Variants in EDIL3 observed in about 807,000 individuals in gnomAD.
EDIL3 encodes the protein EGF like and discoidin domains 3, also known as EGF-like repeat and discoidin I-like domain-containing protein 3.
Under a neutral mutation model 67.4 loss-of-function variants are expected in EDIL3, and 37 were observed. The ratio of observed to expected loss-of-function variants is 0.55; its 90% CI spans 0.42 to 0.72. The LOEUF (loss-of-function observed/expected upper bound fraction) is 0.72, where lower values mean the gene tolerates loss of function less well. Among genes scored for constraint, EDIL3 ranks in the 30% least tolerant of loss-of-function variants. The pLI, the probability that EDIL3 is intolerant of heterozygous loss-of-function variation, is 0.00. For missense variants in EDIL3, 527 were observed against 586.3 expected, an observed-to-expected ratio of 0.90 and a Z score of 1.04; for synonymous variants, 195 against 196.3, an observed-to-expected ratio of 0.99 and a Z score of 0.05.
intron 1 of EDIL3, among the ~76,000 whole-genome samples, chr5:84,299,527 CT>C (rs1255610901): frequency 2.0e-5 from 3 of 152,136 alleles, no homozygotes; most frequent in Non-Finnish European, 2.9e-5. Flanking sequence ...TTTTTTCCCC[CT>C]ATAATGGAAA....
chr5:84,133,338 A>G (rs1459563310), intron 5 of EDIL3, among the ~76,000 whole-genome samples: 1 of 151,612 alleles, frequency 6.6e-6, no homozygotes, highest in Admixed American at 6.6e-5. Context: ...AAAAGGAATG[A>G]GGGTCTGCGC....
intron 5 of EDIL3, among the ~76,000 whole-genome samples, chr5:84,127,596 T>C (rs1747890159): frequency 6.6e-6 from 1 of 152,116 alleles, no homozygotes; most frequent in Non-Finnish European, 1.5e-5. Context: ...GGGCCATTAA[T>C]GGTTTTAGCT....
At chr5:84,262,930 C>G (rs1745264421) in intron 1 of EDIL3, among the ~76,000 whole-genome samples, 1 of 151,860 alleles carries the variant, frequency 6.6e-6, no homozygotes, top group Non-Finnish European at 1.5e-5. Flanking sequence ...CTCAGCCTCC[C>G]AAAGTGCTAG....
intron 3 of EDIL3, among the ~76,000 whole-genome samples, chr5:84,222,098 A>G (rs1304350835): frequency 6.6e-6 from 1 of 151,962 alleles, no homozygotes; most frequent in Admixed American, 6.6e-5. Context: ...TATCTGTAGC[A>G]TGGGTAAGAA....
At chr5:84,056,932 T>C (rs1746459675) in intron 9 of EDIL3, among the ~76,000 whole-genome samples, 1 of 152,098 alleles carries the variant, frequency 6.6e-6, no homozygotes. Context: ...AAAATGTTAA[T>C]CTTATTTTCA....
intron 9 of EDIL3, among the ~76,000 whole-genome samples, chr5:84,007,255 A>G (rs1217129356): frequency 6.6e-6 from 1 of 152,188 alleles, no homozygotes; most frequent in Non-Finnish European, 1.5e-5. Flanking sequence ...CATGTAACCA[A>G]AGCAAAAGTG....
chr5:84,164,598 G>A (rs575099671), intron 4 of EDIL3, among the ~76,000 whole-genome samples: 2 of 152,042 alleles, frequency 1.3e-5, no homozygotes, highest in Non-Finnish European at 2.9e-5. Context: ...TCACCGTGGT[G>A]TTCTCTAGCG....
intron 4 of EDIL3, among the ~76,000 whole-genome samples, chr5:84,179,820 C>A (rs911819308): frequency 3.3e-5 from 5 of 152,114 alleles, no homozygotes; most frequent in African/African-American, 1.2e-4. Context: ...GTTCACCCCT[C>A]CTTCTAAGAA....
chr5:84,317,354 A>G (rs1746535432), intron 1 of EDIL3, among the ~76,000 whole-genome samples: 1 of 152,204 alleles, frequency 6.6e-6, no homozygotes, highest in Admixed American at 6.5e-5. Context: ...CAAAATAGAT[A>G]GACTGCTAGC....
At chr5:84,107,530 A>T (rs1747485905) in intron 5 of EDIL3, among the ~76,000 whole-genome samples, 1 of 151,590 alleles carries the variant, frequency 6.6e-6, no homozygotes, top group South Asian at 2.1e-4. Flanking sequence ...TAAAATACTT[A>T]TTAGCACTTT....
intron 9 of EDIL3, among the ~76,000 whole-genome samples, chr5:83,970,262 A>T (rs954950010): frequency 1.2e-5 from 1 of 86,084 alleles, no homozygotes; most frequent in African/African-American, 3.3e-5. Context: ...CTAATTATAT[A>T]TATATATATA....
chr5:84,270,484 T>G (rs1432745973), intron 1 of EDIL3, among the ~76,000 whole-genome samples: 1 of 51,440 alleles, frequency 1.9e-5, no homozygotes, highest in Admixed American at 2.0e-4. Context: ...TACCTTACCA[T>G]GGGGTTTGTC....
intron 1 of EDIL3, among the ~76,000 whole-genome samples, chr5:84,332,543 A>G (rs1580083154): frequency 6.6e-6 from 1 of 152,198 alleles, no homozygotes; most frequent in South Asian, 2.1e-4. Context: ...AACTTAAAAG[A>G]ATCTCCCTTC....
rs139451083 is a variant in EDIL3 at position 84,215,140 on chromosome 5, T to G, written c.226+14715A>C. Among the ~76,000 whole-genome samples the G allele has an allele frequency of 7.3e-3, 1,106 of 152,334 alleles. 9 individuals are homozygous for G. Among genetic ancestry groups the G allele is most frequent in the Non-Finnish European group, 0.013 (872 of 68,034 alleles). On this transcript the variant is annotated intron_variant, in intron 3 of 10. Coordinates refer to ENST00000296591, the MANE Select transcript of EDIL3 (RefSeq NM_005711.5). The stretch of plus-strand genomic sequence containing the variant: ...GAAGCATCTACTATGTATCAAACAC[T>G]TGTTCTAGAAGGAGGGGATTCAGTC...
intron 1 of EDIL3, among the ~76,000 whole-genome samples, chr5:84,347,518 A>G (rs1747260340): frequency 6.6e-6 from 1 of 152,194 alleles, no homozygotes; most frequent in South Asian, 2.1e-4. Context: ...ATACGTAACT[A>G]TATTTTGGCT....
chr5:84,210,889 A>G (rs1413527311), intron 3 of EDIL3, among the ~76,000 whole-genome samples: 1 of 152,220 alleles, frequency 6.6e-6, no homozygotes, highest in Non-Finnish European at 1.5e-5. Context: ...TCATTACACA[A>G]TATGTTTATT....
chr5:84,042,264 A>G (rs966375460), intron 9 of EDIL3, among the ~76,000 whole-genome samples: 3 of 151,736 alleles, frequency 2.0e-5, no homozygotes, highest in African/African-American at 7.3e-5. Context: ...TTTCAATAGC[A>G]TTAAAAAATA....
rs1434877598 is a variant in EDIL3, at chr5:84,220,153, T to C, written c.226+9702A>G. On this transcript the variant is annotated intron_variant, in intron 3 of 10. Coordinates refer to ENST00000296591, the MANE Select transcript of EDIL3 (RefSeq NM_005711.5). Reference sequence around the variant, plus strand: ...CACATAGGGTAAATGCTTGAGAAGATGGATACCCCACTTTCTGTGATGGGA... The same window carrying C: ...CACATAGGGTAAATGCTTGAGAAGACGGATACCCCACTTTCTGTGATGGGA... Among the ~76,000 whole-genome samples the C allele has an allele frequency of 2.6e-5, 4 of 152,168 alleles. No individual in the cohort carries two copies. In the South Asian group the frequency reaches 6.2e-4, roughly 24 times the overall value.
At chr5:84,350,332 A>G (rs1313850674) in intron 1 of EDIL3, among the ~76,000 whole-genome samples, 1 of 152,022 alleles carries the variant, frequency 6.6e-6, no homozygotes, top group African/African-American at 2.4e-5. Flanking sequence ...GCTACTTCAT[A>G]CAATTTTAAT....
Sources: gnomAD v4.1 joint callset for allele counts (sites outside exome capture counted in the v4.1 genomes callset) on GRCh38, gnomAD v4.1.1 for gene constraint, MANE v1.5 for transcripts, NCBI Gene and HGNC (gene_info 2026-07-23, HGNC 2026-07-21) for gene names.